The following KCNIP4 variants were observed in gnomAD, a reference collection of about 807,000 sequenced individuals.
The protein encoded by KCNIP4 is potassium voltage-gated channel interacting protein 4, also known as Kv channel-interacting protein 4.
In KCNIP4, 12 loss-of-function variants were observed where a neutral mutation model predicts 34.0. The ratio of observed to expected loss-of-function variants is 0.35; its 90% CI spans 0.23 to 0.57. The LOEUF is 0.57. Ranked by LOEUF, KCNIP4 falls within the 20% of genes least tolerant of loss-of-function variation. KCNIP4 has a pLI of 0.83. For missense variants in KCNIP4, 238 were observed against 311.7 expected (o/e 0.76, Z 1.78); for synonymous variants, 124 against 102.2 (o/e 1.21, Z -1.29).
At chr4:21,285,233 T>C (rs533509681) in intron 1 of KCNIP4, among the ~76,000 whole-genome samples, 4 of 152,170 alleles carry the variant, frequency 2.6e-5, no homozygotes, top group African/African-American at 9.7e-5. Flanking sequence ...TCTGAGGAAC[T>C]TGGAGGTTGC....
chr4:20,795,924 T>C (rs1325646152), intron 3 of KCNIP4, among the ~76,000 whole-genome samples: 1 of 152,180 alleles, frequency 6.6e-6, no homozygotes, highest in Non-Finnish European at 1.5e-5. Context: ...TGTATCAGTC[T>C]TTAACATCTT....
chr4:21,014,449 T>TGTGATTCCAGAG (rs1739327994), intron 1 of KCNIP4, among the ~76,000 whole-genome samples: 1 of 152,218 alleles, frequency 6.6e-6, no homozygotes. Context: ...TGTACCCCTA[T>TGTGATTCCAGAG]GCCTGAATCA....
chr4:21,401,358 T>C (rs1723543457), intron 1 of KCNIP4, among the ~76,000 whole-genome samples: 1 of 152,184 alleles, frequency 6.6e-6, no homozygotes. Context: ...GAATGACGAT[T>C]TGTGAAGACT....
At chr4:21,222,022 A>G (rs1323024166) in intron 1 of KCNIP4, among the ~76,000 whole-genome samples, 1 of 152,214 alleles carries the variant, frequency 6.6e-6, no homozygotes, top group Non-Finnish European at 1.5e-5. Flanking sequence ...TTGATGAAAA[A>G]GCCCTGTATC....
intron 1 of KCNIP4, among the ~76,000 whole-genome samples, chr4:21,024,688 C>A (rs1048511996): frequency 6.6e-6 from 1 of 152,142 alleles, no homozygotes; most frequent in Non-Finnish European, 1.5e-5. Context: ...AGAAAGTTTT[C>A]TTTAATGGTC....
intron 1 of KCNIP4, among the ~76,000 whole-genome samples, chr4:21,052,621 T>C (rs1743026965): frequency 6.6e-6 from 1 of 152,206 alleles, no homozygotes; most frequent in African/African-American, 2.4e-5. Flanking sequence ...TGGAATCTCT[T>C]CTCCTGCAAG....
chr4:21,817,635 T>C (rs779814222), intron 1 of KCNIP4, among the ~76,000 whole-genome samples: 4 of 152,124 alleles, frequency 2.6e-5, no homozygotes, highest in Non-Finnish European at 4.4e-5. Context: ...GGGAAAGGAA[T>C]GCATTCCTTG....
At chr4:21,936,080 T>C (rs1729848260) in intron 1 of KCNIP4, among the ~76,000 whole-genome samples, 1 of 151,890 alleles carries the variant, frequency 6.6e-6, no homozygotes, top group Non-Finnish European at 1.5e-5. Flanking sequence ...TTTTACGAAG[T>C]ATATAAAAAC....
intron 1 of KCNIP4, among the ~76,000 whole-genome samples, chr4:21,611,002 T>C (rs1472858769): frequency 6.6e-6 from 1 of 152,116 alleles, no homozygotes; most frequent in Non-Finnish European, 1.5e-5. Flanking sequence ...CAGTGTGTGA[T>C]GTTCTCCTCC....
chr4:20,852,357 C>T (rs1721127343), intron 2 of KCNIP4, among the ~76,000 whole-genome samples: 1 of 152,114 alleles, frequency 6.6e-6, no homozygotes, highest in Non-Finnish European at 1.5e-5. Context: ...ACCACATAAA[C>T]AGAATTAAAA....
chr4:21,619,310 T>A (rs1577703867), intron 1 of KCNIP4, among the ~76,000 whole-genome samples: 1 of 152,226 alleles, frequency 6.6e-6, no homozygotes, highest in South Asian at 2.1e-4. Context: ...GATTATCAAC[T>A]GAAATATTTG....
intron 1 of KCNIP4, among the ~76,000 whole-genome samples, chr4:21,046,578 A>ATTTATTTATTTATTTATTT (rs1742437294): frequency 3.4e-5 from 4 of 117,978 alleles, no homozygotes; most frequent in South Asian, 2.6e-4. Context: ...GTTACTAGCT[A>ATTTATTTATTTATTTATTT]ATTTATTTAT....
intron 1 of KCNIP4, among the ~76,000 whole-genome samples, chr4:21,004,834 G>A (rs1396839617): frequency 1.3e-5 from 2 of 152,040 alleles, no homozygotes; most frequent in African/African-American, 4.8e-5. Flanking sequence ...AATTGAAACA[G>A]GTGTGTTTCT....
chr4:21,128,844 C>G (rs1290870622), intron 1 of KCNIP4, among the ~76,000 whole-genome samples: 1 of 152,196 alleles, frequency 6.6e-6, no homozygotes, highest in Admixed American at 6.5e-5. Context: ...GTGTTAAGAA[C>G]TGAATTCTGT....
chr4:21,841,154 G>A (rs1468513531), intron 1 of KCNIP4, among the ~76,000 whole-genome samples: 1 of 152,080 alleles, frequency 6.6e-6, no homozygotes, highest in Non-Finnish European at 1.5e-5. Flanking sequence ...GAAGAACTCT[G>A]AGGCATGTTC....
intron 1 of KCNIP4, among the ~76,000 whole-genome samples, chr4:21,741,334 T>C (rs1193869388): frequency 1.3e-5 from 2 of 152,116 alleles, no homozygotes; most frequent in Non-Finnish European, 2.9e-5. Flanking sequence ...GGAACTCAAA[T>C]AGCACCGTGG....
At chr4:21,039,596 G>A (rs1463129676) in intron 1 of KCNIP4, among the ~76,000 whole-genome samples, 2 of 152,020 alleles carry the variant, frequency 1.3e-5, no homozygotes, top group Non-Finnish European at 2.9e-5. Context: ...CAAACAAACT[G>A]GAAAATTTCC....
At chr4:21,150,079 G>A (rs1252193085) in intron 1 of KCNIP4, among the ~76,000 whole-genome samples, 2 of 152,146 alleles carry the variant, frequency 1.3e-5, no homozygotes, top group East Asian at 1.9e-4. Flanking sequence ...CGGTCAGTAC[G>A]TAGAGTCAAA....
At chr4:21,179,717 A>G (rs970410) in intron 1 of KCNIP4, among the ~76,000 whole-genome samples, 152,254 of 152,306 alleles carry the variant, frequency 1, 76,101 homozygotes, top group Middle Eastern at 1. Context: ...TTTTCTTTGA[A>G]TTTCCTTGTA....
Sources: gnomAD v4.1 joint callset for allele counts (sites outside exome capture counted in the v4.1 genomes callset) on GRCh38, gnomAD v4.1.1 for gene constraint, MANE v1.5 for transcripts, NCBI Gene and HGNC (gene_info 2026-07-23, HGNC 2026-07-21) for gene names.